Variants in ALDH3A2 observed in about 807,000 individuals in gnomAD.
The protein encoded by ALDH3A2 is aldehyde dehydrogenase family 3 member A2.
A neutral mutation model predicts 51.3 loss-of-function variants in ALDH3A2; 36 were observed. The observed-to-expected ratio is 0.70, with a 90% CI of 0.54 to 0.93. The LOEUF (loss-of-function observed/expected upper bound fraction) is 0.93. Among genes scored for constraint, ALDH3A2 ranks in the 40% least tolerant of loss-of-function variants. The pLI, the probability that ALDH3A2 is intolerant of heterozygous loss-of-function variation, is 0.00. For missense variants in ALDH3A2, 552 were observed against 603.1 expected (o/e 0.92, Z 0.89); for synonymous variants, 199 against 219.8 (o/e 0.91, Z 0.84).
intron 9 of ALDH3A2, chr17:19,673,256 C>T (rs898754878): frequency 6.2e-7 from 1 of 1,614,134 alleles, no homozygotes; most frequent in South Asian, 1.1e-5. Context: ...CAAAACCCAG[C>T]CCTGTCTGTT....
At chr17:19,665,132 C>A (rs2085018755) in intron 8 of ALDH3A2, 85 bp downstream of exon 8, 2 of 1,216,034 alleles carry the variant, frequency 1.6e-6, no homozygotes, top group Non-Finnish European at 2.4e-6. Context: ...GCTGAAATAG[C>A]CAGCTGTTGC....
rs538380569 is a variant in ALDH3A2 at position 19,671,650 on chromosome 17, G to A, written c.1208-71G>A. 173 of 1,356,570 alleles carry A rather than the reference G, an allele frequency of 1.3e-4. 2 individuals carry two copies. The South Asian group carries it at 1.7e-3, about 13-fold the overall frequency. 84.0% of individuals were successfully genotyped at this position (1,356,570 alleles called of 1,614,324 possible). A position where few individuals can be genotyped will look rare whatever the true frequency, so the allele number is the denominator to read the frequency against. On this transcript the variant is annotated intron_variant, in intron 8 of 9. Transcript: ENST00000176643. Reference sequence around the variant, plus strand: ...GCAGGGAGTGCATGTGAGCTTTCCCGGTCGTTGTTAGACAGAAGTAGCTTG... The same window carrying A: ...GCAGGGAGTGCATGTGAGCTTTCCCAGTCGTTGTTAGACAGAAGTAGCTTG...
At chr17:19,656,299 A>G in intron 3 of ALDH3A2, 67 bp from the exon 4 acceptor site, 1 of 1,327,434 alleles carries the variant, frequency 7.5e-7, no homozygotes, top group Non-Finnish European at 1.1e-6. Flanking sequence ...TATGTTGAAG[A>G]GATTGCTGAT....
chr17:19,675,906 G>GTTTTT lies in ALDH3A2; in HGVS notation c.*336_*337insTTTTT. 2 of 374,304 alleles carry GTTTTT rather than the reference G, an allele frequency of 5.3e-6. No individual in the cohort carries two copies. The highest frequency in any genetic ancestry group is 2.4e-5 in the South Asian group (1 of 41,196). 23.2% of individuals were successfully genotyped at this position (374,304 alleles called of 1,614,324 possible). A position where few individuals can be genotyped will look rare whatever the true frequency, so the allele number is the denominator to read the frequency against. ...GAACCTCACTGAATCCTTCACTCCA[G>GTTTTT]TTAATGGCACTGCTCACTTCCTGCC... On this transcript the variant is annotated 3_prime_UTR_variant, in exon 10 of 10. Coordinates refer to ENST00000176643, the MANE Select transcript of ALDH3A2 (RefSeq NM_000382.3).
intron 9 of ALDH3A2, among the ~76,000 whole-genome samples, chr17:19,672,985 G>T (rs750093724): frequency 3.9e-5 from 6 of 152,116 alleles, no homozygotes; most frequent in Non-Finnish European, 7.4e-5. Context: ...AGGTTGCAGT[G>T]AGCCAAGATC....
chr17:19,669,407 TG>T (rs1438297146), intron 8 of ALDH3A2, among the ~76,000 whole-genome samples: 2 of 152,190 alleles, frequency 1.3e-5, no homozygotes, highest in Non-Finnish European at 2.9e-5. Context: ...TAAACTATGC[TG>T]GCACCATTTT....
Position 19,657,625 on chromosome 17 carries a change from A to G in ALDH3A2, c.681-120A>G. The G allele has an allele frequency of 3.8e-6, 3 of 798,014 alleles. 1 individual carries two copies. The highest frequency in any genetic ancestry group is 6.4e-6 in the Non-Finnish European group (3 of 467,422). The allele number at this position is 798,014 out of a possible 1,614,324, so 49.4% of individuals were successfully genotyped here. A position where few individuals can be genotyped will look rare whatever the true frequency, so the allele number is the denominator to read the frequency against. ...ATGAGTTTTTAACTTTTTTATAAAA[A>G]TTGCCAGATAAATATATGAATCTAT... On this transcript the variant is annotated intron_variant, in intron 4 of 9. Coordinates refer to ENST00000176643, the MANE Select transcript of ALDH3A2 (RefSeq NM_000382.3).
chr17:19,650,547 G>A (rs1480511208), intron 1 of ALDH3A2, among the ~76,000 whole-genome samples: 1 of 151,868 alleles, frequency 6.6e-6, no homozygotes, highest in Admixed American at 6.6e-5. Context: ...TCCACCTCCC[G>A]GGTTCACACC....
chr17:19,663,430 T>C lies in ALDH3A2; in HGVS notation c.1038T>C (p.Asp346=). 1.2e-6 allele frequency: 2 copies of C among 1,614,212 alleles called. No individual in the cohort carries two copies. Among genetic ancestry groups the C allele is most frequent in the Non-Finnish European group, 1.7e-6 (2 of 1,180,030 alleles). The change falls in exon 7 of 10, where the codon GAT becomes GAC. Residue 346 remains aspartate, a synonymous_variant. Transcript: ENST00000176643. ...CAATAGTGCCTGTGAAAAATGTAGATGAGGCCATAAATTTCATAAATGAAC... is the reference window on the plus strand; with the variant it reads ...CAATAGTGCCTGTGAAAAATGTAGACGAGGCCATAAATTTCATAAATGAAC... The part of the protein sequence containing the change: ...ILPIVPVKNV[D]EAINFINERE...
intron 5 of ALDH3A2, chr17:19,659,670 C>G (rs1164665875): frequency 6.6e-6 from 1 of 152,158 alleles, no homozygotes; most frequent in Admixed American, 6.6e-5. Flanking sequence ...GTAGCAAAAT[C>G]TTGTCGCTAC....
chr17:19,665,269 C>G (rs1411198507), intron 8 of ALDH3A2, among the ~76,000 whole-genome samples: 1 of 152,118 alleles, frequency 6.6e-6, no homozygotes, highest in Non-Finnish European at 1.5e-5. Flanking sequence ...GTCAGCAGCA[C>G]TGACTGACCA....
chr17:19,650,270 G>A (rs2152326006), intron 1 of ALDH3A2, among the ~76,000 whole-genome samples: 1 of 151,582 alleles, frequency 6.6e-6, no homozygotes, highest in Non-Finnish European at 1.5e-5. Flanking sequence ...TATGTTTGCT[G>A]ATAATATTGT....
Position 19,656,537 on chromosome 17 carries a change from T to G in ALDH3A2, c.643T>G (p.Tyr215Asp), listed in dbSNP as rs142587791. 6.2e-7 allele frequency: 1 copy of G among 1,613,984 alleles called. No individual in the cohort carries two copies. The highest frequency in any genetic ancestry group is 2.2e-5 in the East Asian group (1 of 44,882). ...TLELGGKSPC[Y>D]IDKDCDLDIV... The stretch of plus-strand genomic sequence containing the variant: ...TGAACTGGGAGGGAAAAGTCCATGT[T>G]ATATTGATAAAGATTGTGACCTGGA... Residue 215 changes from tyrosine to aspartate, a missense_variant, in exon 4 of 10, where the codon TAT (tyrosine) becomes GAT (aspartate). By Grantham distance (160) the Tyr-to-Asp change is radical. Coordinates refer to ENST00000176643, the MANE Select transcript of ALDH3A2 (RefSeq NM_000382.3).
chr17:19,649,139 G>A lies in ALDH3A2; in HGVS notation c.153+15G>A. On this transcript the variant is annotated intron_variant, in intron 1 of 9. Transcript: ENST00000176643. ...ACCTGTGCAAGGTACGCACGCGTGC[G>A]GCGGGGTGTGGGGAAACTGGCCCCC... 6.4e-7 allele frequency: 1 copy of A among 1,552,532 alleles called. No individual in the cohort carries two copies. Among genetic ancestry groups the A allele is most frequent in the Non-Finnish European group, 8.7e-7 (1 of 1,145,744 alleles).
chr17:19,649,850 C>A, intron 1 of ALDH3A2: 1 of 155,272 alleles, frequency 6.4e-6, no homozygotes, highest in South Asian at 1.8e-4. Flanking sequence ...TTTGGAAGCA[C>A]GCTTTGTGTA....
At position 19,648,897 on chromosome 17, in the gene ALDH3A2, G is replaced by C; in HGVS notation, c.-75G>C. On this transcript the variant is annotated 5_prime_UTR_variant, in exon 1 of 10. Transcript: ENST00000176643. The stretch of plus-strand genomic sequence containing the variant: ...AGGGAGGCGGAGGGAAGGGAGGCGA[G>C]GCCTGCACCTGCATGCTTCCCGCCT... 6.6e-7 allele frequency: 1 copy of C among 1,521,674 alleles called. No individual in the cohort carries two copies. Among genetic ancestry groups the C allele is most frequent in the Non-Finnish European group, 8.8e-7 (1 of 1,131,118 alleles). The allele number at this position is 1,521,674 out of a possible 1,614,324, so 94.3% of individuals were successfully genotyped here. A position where few individuals can be genotyped will look rare whatever the true frequency, so the allele number is the denominator to read the frequency against.
At chr17:19,660,984 T>G in intron 5 of ALDH3A2, 143 bp from the exon 6 acceptor site, 2 of 816,698 alleles carry the variant, frequency 2.4e-6, no homozygotes, top group Admixed American at 4.5e-5. Flanking sequence ...ATCATACTAC[T>G]GTTAAATTAC....
chr17:19,652,044 G>A (rs1597550015), intron 2 of ALDH3A2, among the ~76,000 whole-genome samples: 1 of 152,214 alleles, frequency 6.6e-6, no homozygotes, highest in Non-Finnish European at 1.5e-5. Context: ...GGAGTTTGGA[G>A]TCAGGCATCC....
intron 8 of ALDH3A2, 73 bp downstream of exon 8, chr17:19,665,120 C>A: frequency 7.5e-7 from 1 of 1,339,460 alleles, no homozygotes; most frequent in Non-Finnish European, 1.1e-6. Flanking sequence ...ATTGTATGGG[C>A]TGCTGAAATA....
Sources: allele counts gnomAD v4.1 joint callset (sites outside exome capture counted in the v4.1 genomes callset), GRCh38; gene constraint gnomAD v4.1.1; transcripts MANE v1.5; gene names NCBI Gene and HGNC (gene_info 2026-07-23, HGNC 2026-07-21).